HS2ST1: variants seen among roughly 807,000 people sequenced by gnomAD.
HS2ST1 encodes the protein 2-O-sulfotransferase.
In HS2ST1, 18 loss-of-function variants were observed where a neutral mutation model predicts 42.9. The ratio of observed to expected loss-of-function variants is 0.42; its 90% confidence interval spans 0.29 to 0.62. HS2ST1 has a LOEUF of 0.62. Ranked by LOEUF, HS2ST1 falls within the 20% of genes least tolerant of loss-of-function variation. The pLI, the probability that HS2ST1 is intolerant of heterozygous loss-of-function variation, is 0.21. For missense variants in HS2ST1, 334 were observed against 433.8 expected (o/e 0.77, Z 2.04); for synonymous variants, 146 against 152.9 (o/e 0.95, Z 0.33).
intron 1 of HS2ST1, among the ~76,000 whole-genome samples, chr1:87,013,812 T>C (rs990005035): frequency 2.6e-5 from 4 of 152,190 alleles, no homozygotes; most frequent in African/African-American, 9.7e-5. Flanking sequence ...ACTTTGCTGC[T>C]TGGAAATTTC....
rs1311397554 is a variant in HS2ST1, at chr1:87,105,524, C to T, written c.*828C>T. The T allele has an allele frequency of 2.6e-5, 4 of 152,302 alleles. No homozygotes were observed. Among genetic ancestry groups the T allele is most frequent in the Admixed American group, 1.3e-4 (2 of 15,260 alleles). The allele number at this position is 152,302 out of a possible 1,614,324, so 9.4% of individuals were successfully genotyped here. On this transcript the variant is annotated 3_prime_UTR_variant, in exon 7 of 7. Coordinates refer to ENST00000370550, the MANE Select transcript of HS2ST1 (RefSeq NM_012262.4). ...AGATATCGGTGACTCCGTATTATGA[C>T]TCCATTAGTGAGCTGTGGTATGGGT...
chr1:86,951,103 T>G (rs1458789965), intron 1 of HS2ST1, among the ~76,000 whole-genome samples: 1 of 152,218 alleles, frequency 6.6e-6, no homozygotes, highest in Non-Finnish European at 1.5e-5. Context: ...CAGCCAGAAT[T>G]TATTAGCAGT....
chr1:86,929,374 G>C (rs887371241), intron 1 of HS2ST1, among the ~76,000 whole-genome samples: 9 of 151,774 alleles, frequency 5.9e-5, no homozygotes, highest in Non-Finnish European at 8.9e-5. Context: ...ATGAGTTATA[G>C]ATTTGACATT....
intron 1 of HS2ST1, among the ~76,000 whole-genome samples, chr1:86,943,553 C>A (rs1225811839): frequency 1.3e-5 from 2 of 151,792 alleles, no homozygotes; most frequent in African/African-American, 2.4e-5. Flanking sequence ...AAAACGTTGT[C>A]TCTACAAAAA....
rs988220645 is a variant in HS2ST1, at chr1:86,963,327, C to T, written c.124+48167C>T. 6.6e-5 allele frequency among the ~76,000 whole-genome samples: 10 copies of T among 152,184 alleles called. No homozygotes were observed. In the East Asian group the frequency reaches 1.2e-3, roughly 18 times the overall value. ...TGCGGCCTACCGCAGTGTTTGTGTC[C>T]GTGGGTACTTGAGATTAGGGAGTGG... On this transcript the variant is annotated intron_variant, in intron 1 of 6. Coordinates refer to ENST00000370550, the MANE Select transcript of HS2ST1 (RefSeq NM_012262.4).
chr1:87,076,009 A>T (rs1209963753), intron 2 of HS2ST1, among the ~76,000 whole-genome samples: 1 of 152,210 alleles, frequency 6.6e-6, no homozygotes, highest in African/African-American at 2.4e-5. Context: ...ACTTGGGAAC[A>T]TAAAACATAA....
chr1:87,102,728 A>T (rs1359801326), intron 5 of HS2ST1, among the ~76,000 whole-genome samples: 1 of 152,190 alleles, frequency 6.6e-6, no homozygotes, highest in Non-Finnish European at 1.5e-5. Context: ...TTAGAAACCA[A>T]TTAATCACTG....
intron 1 of HS2ST1, among the ~76,000 whole-genome samples, chr1:87,040,110 G>A (rs1650482315): frequency 6.6e-6 from 1 of 152,126 alleles, no homozygotes; most frequent in Admixed American, 6.6e-5. Context: ...AAAAATAATG[G>A]AAAGTTCATA....
At chr1:86,958,158 C>G (rs568263784) in intron 1 of HS2ST1, among the ~76,000 whole-genome samples, 4 of 152,326 alleles carry the variant, frequency 2.6e-5, no homozygotes, top group African/African-American at 9.6e-5. Flanking sequence ...GCATCAGCGC[C>G]TCTGCTGCAC....
intron 1 of HS2ST1, among the ~76,000 whole-genome samples, chr1:87,048,605 GTCCC>G (rs1650754461): frequency 1.7e-5 from 2 of 119,640 alleles, no homozygotes; most frequent in Non-Finnish European, 3.9e-5. Flanking sequence ...CATGCTTCTA[GTCCC>G]AGTTTGCTGA....
In HS2ST1 at chr1:87,068,345, C is replaced by G. The variant is rs567237700; in HGVS notation, c.125-4589C>G. ...TGTAGCAATTGTGAATGGGAGTTCA[C>G]TCATGATTTGGCTCTCTATTATTGG... On this transcript the variant is annotated intron_variant, in intron 1 of 6. Transcript: ENST00000370550. Among the ~76,000 whole-genome samples the G allele has an allele frequency of 3.3e-5, 5 of 152,234 alleles. No individual in the cohort carries two copies. In the East Asian group the frequency reaches 9.6e-4, roughly 29 times the overall value.
intron 1 of HS2ST1, among the ~76,000 whole-genome samples, chr1:86,972,889 A>G (rs138785648): frequency 1.1e-4 from 17 of 152,332 alleles, no homozygotes; most frequent in African/African-American, 3.4e-4. Context: ...TCTGCAGTCT[A>G]TAATAGTTCT....
At chr1:86,995,284 A>G (rs112893133) in intron 1 of HS2ST1, among the ~76,000 whole-genome samples, 1,657 of 152,326 alleles carry the variant, frequency 0.011, 30 homozygotes, top group African/African-American at 0.039. Context: ...GCATTAACAT[A>G]TCTGTGTAAA....
chr1:86,964,043 C>T (rs1294179446), intron 1 of HS2ST1, among the ~76,000 whole-genome samples: 5 of 151,710 alleles, frequency 3.3e-5, no homozygotes, highest in African/African-American at 9.7e-5. Context: ...GACGGGGTCG[C>T]GGCCGGGCAG....
At chr1:87,094,832 A>T (rs1363548874) in intron 4 of HS2ST1, among the ~76,000 whole-genome samples, 1 of 152,134 alleles carries the variant, frequency 6.6e-6, no homozygotes, top group African/African-American at 2.4e-5. Context: ...TAACTTCGTT[A>T]TAAAATACAC....
At chr1:87,033,763 C>T (rs1200347084) in intron 1 of HS2ST1, among the ~76,000 whole-genome samples, 14 of 152,142 alleles carry the variant, frequency 9.2e-5, no homozygotes, top group Admixed American at 9.2e-4. Context: ...AGACTGGTCT[C>T]AAACTCCTGA....
intron 1 of HS2ST1, among the ~76,000 whole-genome samples, chr1:87,040,890 G>A (rs879746248): frequency 1.3e-5 from 2 of 152,098 alleles, no homozygotes; most frequent in East Asian, 3.9e-4. Context: ...TTCAAGGAGA[G>A]TGAGTTCCCC....
intron 1 of HS2ST1, among the ~76,000 whole-genome samples, chr1:86,924,170 A>G (rs1023060320): frequency 6.6e-6 from 1 of 152,178 alleles, no homozygotes; most frequent in South Asian, 2.1e-4. Context: ...AAACCTTCAA[A>G]ATGATATCCT....
At chr1:87,056,799 A>T (rs1397746370) in intron 1 of HS2ST1, among the ~76,000 whole-genome samples, 1 of 152,240 alleles carries the variant, frequency 6.6e-6, no homozygotes, top group African/African-American at 2.4e-5. Flanking sequence ...AGTGCAAAGT[A>T]TATCAATATA....
Sources: gnomAD v4.1 joint callset for allele counts (sites outside exome capture counted in the v4.1 genomes callset) on GRCh38, gnomAD v4.1.1 for gene constraint, MANE v1.5 for transcripts, NCBI Gene and HGNC (gene_info 2026-07-23, HGNC 2026-07-21) for gene names.